DENND5B: variants seen among roughly 807,000 people sequenced by gnomAD.
DENND5B encodes the protein DENN domain containing 5B, also known as DENN domain-containing protein 5B.
DENND5B carries 34 observed loss-of-function variants against 140.6 expected under a neutral mutation model. The ratio of observed to expected loss-of-function variants is 0.24; its 90% CI spans 0.18 to 0.32. The LOEUF is 0.32. DENND5B is among the 10% of genes least tolerant of loss of function. The probability of loss-of-function intolerance (pLI) is 1.00; values close to 1 mark genes in which losing one functional copy is unlikely to be tolerated. For synonymous variants in DENND5B, 551 were observed against 562.1 expected, an observed-to-expected ratio of 0.98 and a Z score of 0.28; for missense variants, 1,142 against 1,560.2, an observed-to-expected ratio of 0.73 and a Z score of 4.52.
rs200564534 is a variant in DENND5B at position 31,583,953 on chromosome 12, T to C, written c.127+6753A>G. ...ACAAAAATGCTAAGGATCAGGCATATGGCACGTTTCCTAAAGCATCCTGTA... is the reference window on the plus strand; with the variant it reads ...ACAAAAATGCTAAGGATCAGGCATACGGCACGTTTCCTAAAGCATCCTGTA... On this transcript the variant is annotated intron_variant, in intron 1 of 20. Coordinates refer to ENST00000389082, the MANE Select transcript of DENND5B (RefSeq NM_144973.4). 1.2e-4 allele frequency among the ~76,000 whole-genome samples: 19 copies of C among 152,336 alleles called. No homozygotes were observed. The East Asian group carries it at 3.5e-3, about 28-fold the overall frequency.
At position 31,415,421 on chromosome 12, in the gene DENND5B, G is replaced by T. The variant is rs768887564; in HGVS notation, c.2498C>A (p.Ser833Tyr). ...CGTTGGCAACATAACTCCTGAGTCA[G>T]ATTTTCTTCTTTCTGGTCCGAGGGC... Reference protein sequence around the residue: ...PVALGPERRKSDSGVMLPTLR... With the variant: ...PVALGPERRKYDSGVMLPTLR... Residue 833 changes from serine to tyrosine, a missense_variant, in exon 12 of 21, where the codon TCT (serine) becomes TAT (tyrosine). This residue lies in a region of DENND5B where 268 missense variants were observed against 349.2 expected (regional missense o/e 0.77). Coordinates refer to ENST00000389082, the MANE Select transcript of DENND5B (RefSeq NM_144973.4). 8 of 1,609,742 alleles carry T rather than the reference G, an allele frequency of 5.0e-6. No homozygotes were observed. The highest frequency in any genetic ancestry group is 1.6e-4 in the Middle Eastern group (1 of 6,076).
chr12:31,461,439 C>T (rs1453112566), intron 3 of DENND5B, among the ~76,000 whole-genome samples: 1 of 152,178 alleles, frequency 6.6e-6, no homozygotes. Context: ...AATAGTAAAG[C>T]AGCCTTTTAA....
intron 3 of DENND5B, chr12:31,465,458 C>A (rs1327404615): frequency 6.6e-6 from 1 of 152,444 alleles, no homozygotes; most frequent in Non-Finnish European, 1.5e-5. Context: ...ACCTCCGCCT[C>A]CTGAGTTCAA....
At chr12:31,405,641 G>A (rs1025779971) in intron 14 of DENND5B, among the ~76,000 whole-genome samples, 10 of 152,080 alleles carry the variant, frequency 6.6e-5, no homozygotes, top group South Asian at 2.1e-4. Flanking sequence ...TCTGCCGCCC[G>A]GGTTCAAGTG....
intron 1 of DENND5B, among the ~76,000 whole-genome samples, chr12:31,533,776 G>A (rs1168171523): frequency 6.6e-6 from 1 of 152,174 alleles, no homozygotes; most frequent in African/African-American, 2.4e-5. Context: ...ACAGAATTGT[G>A]TGAACTGTGG....
chr12:31,541,947 CAGAA>C lies in DENND5B; in HGVS notation c.128-46032_128-46029del, dbSNP rs1351468077. On this transcript the variant is annotated intron_variant, in intron 1 of 20. Transcript: ENST00000389082. The stretch of plus-strand genomic sequence containing the variant: ...TATGTTAAGTGAAATAAGCCAGACA[CAGAA>C]AGACAAACTTCACATGTTTTCACTT... 3.3e-5 allele frequency among the ~76,000 whole-genome samples: 5 copies of C among 152,262 alleles called. No homozygotes were observed. In the East Asian group the frequency reaches 9.6e-4, roughly 29 times the overall value.
chr12:31,543,534 T>C (rs1336703241), intron 1 of DENND5B, among the ~76,000 whole-genome samples: 1 of 152,140 alleles, frequency 6.6e-6, no homozygotes, highest in East Asian at 1.9e-4. Flanking sequence ...GCTACCATTT[T>C]GAAAAAAGGT....
intron 1 of DENND5B, among the ~76,000 whole-genome samples, chr12:31,535,753 G>A (rs976162928): frequency 3.1e-4 from 47 of 152,214 alleles, no homozygotes; most frequent in African/African-American, 9.6e-4. Context: ...ACAAACATCC[G>A]CAAGTATCAA....
chr12:31,487,210 G>A (rs2030617280), intron 2 of DENND5B, among the ~76,000 whole-genome samples: 1 of 152,150 alleles, frequency 6.6e-6, no homozygotes, highest in African/African-American at 2.4e-5. Context: ...TGTATATTTG[G>A]ATAGAATGAG....
At chr12:31,570,424 G>A (rs1473622412) in intron 1 of DENND5B, among the ~76,000 whole-genome samples, 15 of 150,176 alleles carry the variant, frequency 1.0e-4, no homozygotes, top group African/African-American at 3.4e-4. Context: ...GACTACAGGC[G>A]CCCGCCACCA....
At chr12:31,563,999 C>T (rs1233686415) in intron 1 of DENND5B, among the ~76,000 whole-genome samples, 1 of 152,072 alleles carries the variant, frequency 6.6e-6, no homozygotes, top group Non-Finnish European at 1.5e-5. Context: ...TGCCTGTAAT[C>T]CCAGCTACTA....
chr12:31,423,814 T>A, intron 10 of DENND5B, 139 bp from the exon 11 acceptor site: 1 of 770,012 alleles, frequency 1.3e-6, no homozygotes, highest in African/African-American at 1.7e-5. Context: ...TATGACATTC[T>A]GAGCATCTTC....
chr12:31,474,802 GA>G (rs1274925571), intron 3 of DENND5B, among the ~76,000 whole-genome samples: 4 of 152,100 alleles, frequency 2.6e-5, no homozygotes, highest in Non-Finnish European at 5.9e-5. Flanking sequence ...TCATTTAACT[GA>G]AATATTTTTC....
chr12:31,499,598 AT>A, intron 1 of DENND5B: 1 of 1,488,092 alleles, frequency 6.7e-7, no homozygotes, highest in Non-Finnish European at 8.9e-7. Flanking sequence ...TCTTAATTTT[AT>A]TTTTACCTGA....
intron 17 of DENND5B, among the ~76,000 whole-genome samples, chr12:31,396,665 T>C (rs1941490589): frequency 1.3e-5 from 2 of 152,094 alleles, no homozygotes; most frequent in African/African-American, 4.8e-5. Context: ...TCACTCAAGC[T>C]GGAATACAGT....
chr12:31,418,272 T>TTCTTA (rs1408005109), intron 11 of DENND5B, among the ~76,000 whole-genome samples: 1 of 116,750 alleles, frequency 8.6e-6, no homozygotes, highest in African/African-American at 3.2e-5. Flanking sequence ...AGCATATCTT[T>TTCTTA]TTTTCTTTTC....
At position 31,384,740 on chromosome 12, in the gene DENND5B, C is replaced by G. The variant is rs988903019; in HGVS notation, c.*2863G>C. On this transcript the variant is annotated 3_prime_UTR_variant, in exon 21 of 21. Coordinates refer to ENST00000389082, the MANE Select transcript of DENND5B (RefSeq NM_144973.4). ...TAAAGTAATGGTTTTATTCATAGGCCGCAAATCCAACTTTGGCTGCAGTTT... is the reference window on the plus strand; with the variant it reads ...TAAAGTAATGGTTTTATTCATAGGCGGCAAATCCAACTTTGGCTGCAGTTT... The G allele has an allele frequency of 2.0e-5, 3 of 150,980 alleles. No individual in the cohort carries two copies. The South Asian group carries it at 6.3e-4, about 32-fold the overall frequency. 9.4% of individuals were successfully genotyped at this position (150,980 alleles called of 1,614,324 possible).
chr12:31,496,481 T>C (rs1288589460), intron 1 of DENND5B, among the ~76,000 whole-genome samples: 1 of 152,192 alleles, frequency 6.6e-6, no homozygotes, highest in Non-Finnish European at 1.5e-5. Context: ...TTAAACATAC[T>C]AACCTTTTAA....
At chr12:31,576,680 C>T (rs1030096947) in intron 1 of DENND5B, among the ~76,000 whole-genome samples, 2 of 151,368 alleles carry the variant, frequency 1.3e-5, no homozygotes, top group African/African-American at 2.4e-5. Flanking sequence ...GTCAGGAGTT[C>T]GAGACCAGCT....
Sources: allele counts gnomAD v4.1 joint callset (sites outside exome capture counted in the v4.1 genomes callset), GRCh38; gene constraint gnomAD v4.1.1; regional missense constraint gnomAD v4.1.1; transcripts MANE v1.5; gene names NCBI Gene and HGNC (gene_info 2026-07-23, HGNC 2026-07-21).